Variants in CSMD1 observed in about 807,000 individuals in gnomAD.
The protein encoded by CSMD1 is CUB and sushi domain-containing protein 1.
CSMD1 carries 213 observed loss-of-function variants against 417.5 expected under a neutral mutation model. The ratio of observed to expected loss-of-function variants is 0.51; its 90% confidence interval spans 0.46 to 0.57. The LOEUF (loss-of-function observed/expected upper bound fraction) is 0.57. Among genes scored for constraint, CSMD1 ranks in the 20% least tolerant of loss-of-function variants. CSMD1 has a pLI of 0.00. For missense variants in CSMD1, 6,923 were observed against 4,529.7 expected (o/e 1.53, Z -15.17); for synonymous variants, 2,862 against 1,736.8 (o/e 1.65, Z -16.11).
At chr8:4,980,931 T>C (rs1465687900) in intron 1 of CSMD1, among the ~76,000 whole-genome samples, 1 of 152,150 alleles carries the variant, frequency 6.6e-6, no homozygotes, top group Non-Finnish European at 1.5e-5. Context: ...TATCTATCTG[T>C]ACTTTGCCCA....
At chr8:3,167,044 T>C (rs1466817194) in intron 37 of CSMD1, among the ~76,000 whole-genome samples, 1 of 152,078 alleles carries the variant, frequency 6.6e-6, no homozygotes, top group East Asian at 1.9e-4. Flanking sequence ...CCCAGCACTT[T>C]GGGAGGCCAA....
intron 3 of CSMD1, among the ~76,000 whole-genome samples, chr8:4,293,914 G>A (rs968253118): frequency 1.2e-4 from 18 of 151,872 alleles, no homozygotes; most frequent in Non-Finnish European, 1.5e-5. Flanking sequence ...TCCTATTAGT[G>A]TCTACTGTAG....
chr8:4,515,311 A>C (rs1803054672), intron 2 of CSMD1, among the ~76,000 whole-genome samples: 1 of 152,202 alleles, frequency 6.6e-6, no homozygotes, highest in Admixed American at 6.5e-5. Flanking sequence ...TCAGAGAAAT[A>C]GCACATGTAA....
chr8:3,555,850 T>C (rs1799119953), intron 10 of CSMD1, among the ~76,000 whole-genome samples: 1 of 152,120 alleles, frequency 6.6e-6, no homozygotes, highest in Non-Finnish European at 1.5e-5. Flanking sequence ...TTCTATGAAA[T>C]ATACATAGTG....
intron 5 of CSMD1, among the ~76,000 whole-genome samples, chr8:3,987,240 C>T (rs920906315): frequency 2.6e-5 from 4 of 152,160 alleles, no homozygotes; most frequent in African/African-American, 7.2e-5. Context: ...TGTGAACATG[C>T]TTCCCATGCT....
intron 32 of CSMD1, 113 bp downstream of exon 32, chr8:3,201,499 A>G (rs1796991929): frequency 3.7e-6 from 2 of 536,202 alleles, no homozygotes; most frequent in Non-Finnish European, 6.4e-6. Context: ...ACGCAAATTC[A>G]AAAATGATTA....
chr8:2,983,810 A>G (rs1805627556), intron 54 of CSMD1, among the ~76,000 whole-genome samples: 1 of 152,170 alleles, frequency 6.6e-6, no homozygotes, highest in South Asian at 2.1e-4. Flanking sequence ...ATGTGTGTTG[A>G]TTTTGAAAGG....
In CSMD1 at chr8:3,439,140, A is replaced by C. The variant is rs1225728895; in HGVS notation, c.1562-29535T>G. Among the ~76,000 whole-genome samples the C allele has an allele frequency of 5.5e-4, 72 of 129,848 alleles. 3 individuals are homozygous for C. Among genetic ancestry groups the C allele is most frequent in the African/African-American group, 2.0e-3 (63 of 30,802 alleles). The allele number at this position is 129,848 out of a possible 152,430, so 85.2% of individuals were successfully genotyped here. A position where few individuals can be genotyped will look rare whatever the true frequency, so the allele number is the denominator to read the frequency against. ...TCCATCTCAAAAAAAAAAAAAAAAAAAAAAAAAAAAAACCAAGAAAAAAAA... is the reference window on the plus strand; with the variant it reads ...TCCATCTCAAAAAAAAAAAAAAAAACAAAAAAAAAAAACCAAGAAAAAAAA... On this transcript the variant is annotated intron_variant, in intron 12 of 69. Coordinates refer to ENST00000635120, the MANE Select transcript of CSMD1 (RefSeq NM_033225.6).
chr8:3,737,396 T>C (rs543376719), intron 6 of CSMD1, among the ~76,000 whole-genome samples: 1 of 152,358 alleles, frequency 6.6e-6, no homozygotes, highest in East Asian at 1.9e-4. Flanking sequence ...TTTATTTCTA[T>C]AATGCTTTTA....
At chr8:4,644,629 G>GA (rs1803404119) in intron 1 of CSMD1, among the ~76,000 whole-genome samples, 1 of 152,172 alleles carries the variant, frequency 6.6e-6, no homozygotes, top group African/African-American at 2.4e-5. Flanking sequence ...GGCTGGGCAG[G>GA]AACCTCTGAC....
At chr8:3,549,227 T>C (rs1350856179) in intron 10 of CSMD1, among the ~76,000 whole-genome samples, 1 of 152,236 alleles carries the variant, frequency 6.6e-6, no homozygotes, top group Admixed American at 6.5e-5. Flanking sequence ...GCATGGTTTC[T>C]ATGTTCTGAA....
chr8:3,784,162 T>C (rs548763899), intron 5 of CSMD1, among the ~76,000 whole-genome samples: 21 of 152,322 alleles, frequency 1.4e-4, no homozygotes, highest in African/African-American at 2.9e-4. Context: ...TGCATACATA[T>C]AGTAGACATG....
chr8:4,020,661 G>T (rs1038058783), intron 4 of CSMD1, among the ~76,000 whole-genome samples: 1 of 152,164 alleles, frequency 6.6e-6, no homozygotes, highest in Non-Finnish European at 1.5e-5. Context: ...ACTTATTCCA[G>T]GACAGATAAC....
intron 1 of CSMD1, among the ~76,000 whole-genome samples, chr8:4,712,169 T>G (rs1394057373): frequency 6.6e-6 from 1 of 152,228 alleles, no homozygotes; most frequent in Admixed American, 6.5e-5. Context: ...CTCTTCTATT[T>G]CATTTCTTCA....
At chr8:3,606,329 C>T (rs1190970673) in intron 8 of CSMD1, among the ~76,000 whole-genome samples, 1 of 152,134 alleles carries the variant, frequency 6.6e-6, no homozygotes, top group Non-Finnish European at 1.5e-5. Context: ...CACAGCTGGG[C>T]TTCATGGTAC....
intron 25 of CSMD1, among the ~76,000 whole-genome samples, chr8:3,285,127 T>G (rs1423127827): frequency 6.6e-6 from 1 of 152,074 alleles, no homozygotes; most frequent in Non-Finnish European, 1.5e-5. Flanking sequence ...GATTTACAGT[T>G]TTTTATTTCC....
intron 5 of CSMD1, among the ~76,000 whole-genome samples, chr8:3,914,080 C>G (rs1270590963): frequency 6.6e-6 from 1 of 152,034 alleles, no homozygotes; most frequent in African/African-American, 2.4e-5. Flanking sequence ...AATAAAGAGT[C>G]ATATTTGAAT....
intron 50 of CSMD1, among the ~76,000 whole-genome samples, chr8:3,047,358 C>T (rs1457015632): frequency 1.3e-5 from 2 of 152,048 alleles, no homozygotes; most frequent in East Asian, 1.9e-4. Context: ...TATTCTTTTC[C>T]GCTGCTGTTT....
At chr8:4,638,307 A>C (rs1259367576) in intron 1 of CSMD1, among the ~76,000 whole-genome samples, 1 of 152,204 alleles carries the variant, frequency 6.6e-6, no homozygotes, top group East Asian at 1.9e-4. Flanking sequence ...ACATAACTGC[A>C]ATATGTGGTA....
Sources: gnomAD v4.1 joint callset for allele counts (sites outside exome capture counted in the v4.1 genomes callset) on GRCh38, gnomAD v4.1.1 for gene constraint, MANE v1.5 for transcripts, NCBI Gene and HGNC (gene_info 2026-07-23, HGNC 2026-07-21) for gene names.